GRM5: variants seen among roughly 807,000 people sequenced by gnomAD.
The protein encoded by GRM5 is metabotropic glutamate receptor 5.
GRM5 carries 19 observed loss-of-function variants against 83.1 expected under a neutral mutation model. That is an observed-to-expected ratio of 0.23 (90% confidence interval 0.16 to 0.34). GRM5 has a LOEUF of 0.34. Ranked by LOEUF, GRM5 falls within the 10% of genes least tolerant of loss-of-function variation. GRM5 has a pLI of 1.00. For missense variants in GRM5, 1,160 were observed against 1,588.3 expected (o/e 0.73, Z 4.58); for synonymous variants, 675 against 633.6 (o/e 1.07, Z -0.98).
chr11:88,999,623 C>G (rs1253436261), intron 2 of GRM5, among the ~76,000 whole-genome samples: 1 of 152,070 alleles, frequency 6.6e-6, no homozygotes, highest in Non-Finnish European at 1.5e-5. Context: ...AATAGGAACA[C>G]TTTTACACTG....
At chr11:89,014,809 C>T (rs1940807787) in intron 2 of GRM5, among the ~76,000 whole-genome samples, 1 of 152,150 alleles carries the variant, frequency 6.6e-6, no homozygotes, top group Non-Finnish European at 1.5e-5. Context: ...TATACCTACT[C>T]TGTACCCACA....
intron 1 of GRM5, among the ~76,000 whole-genome samples, chr11:89,061,596 C>T (rs1024363302): frequency 2.0e-5 from 3 of 152,100 alleles, no homozygotes; most frequent in Admixed American, 6.6e-5. Flanking sequence ...CAAGTATTCC[C>T]AAAGTCTGGA....
chr11:88,625,579 A>G (rs779821263), intron 4 of GRM5, among the ~76,000 whole-genome samples: 4 of 152,114 alleles, frequency 2.6e-5, no homozygotes, highest in Non-Finnish European at 5.9e-5. Context: ...TGAATAGGCC[A>G]TGCAACTTAC....
At chr11:88,670,926 A>G (rs965121376) in intron 3 of GRM5, among the ~76,000 whole-genome samples, 6 of 152,080 alleles carry the variant, frequency 3.9e-5, no homozygotes, top group Non-Finnish European at 8.8e-5. Flanking sequence ...CATACAATAT[A>G]ACCCAGCAAT....
At position 88,867,808 on chromosome 11, in the gene GRM5, C is replaced by A. The variant is rs1444697025; in HGVS notation, c.662-17653G>T. Among the ~76,000 whole-genome samples, 10 of 151,736 alleles carry A rather than the reference C, an allele frequency of 6.6e-5. No homozygotes were observed. In the Admixed American group the frequency reaches 6.6e-4, roughly 10 times the overall value. On this transcript the variant is annotated intron_variant, in intron 2 of 9. Coordinates refer to ENST00000305447, the MANE Select transcript of GRM5 (RefSeq NM_001143831.3). ...AGCCTATTGAGACCTTGTTCTTGGA[C>A]TTCCAGCCTCTAAACTATAAGGAAA...
intron 4 of GRM5, among the ~76,000 whole-genome samples, chr11:88,618,336 T>C (rs533756389): frequency 2.2e-4 from 34 of 152,348 alleles, no homozygotes; most frequent in African/African-American, 7.9e-4. Flanking sequence ...CCAGACACTT[T>C]TACTAATCTT....
chr11:88,531,408 G>A (rs1169549394), intron 8 of GRM5, among the ~76,000 whole-genome samples: 1 of 152,092 alleles, frequency 6.6e-6, no homozygotes, highest in Non-Finnish European at 1.5e-5. Flanking sequence ...ATGAAGCAAA[G>A]AGCAATATAT....
chr11:89,013,235 T>C (rs1396763210), intron 2 of GRM5, among the ~76,000 whole-genome samples: 1 of 152,340 alleles, frequency 6.6e-6, no homozygotes, highest in East Asian at 1.9e-4. Flanking sequence ...TTTTTCTGCA[T>C]TTGTCAATTA....
chr11:88,779,223 G>A (rs140684778), intron 3 of GRM5, among the ~76,000 whole-genome samples: 4 of 152,306 alleles, frequency 2.6e-5, no homozygotes, highest in South Asian at 4.1e-4. Flanking sequence ...ATTTGTGTAA[G>A]CTGCTACAGC....
At chr11:88,753,895 C>T (rs1286831338) in intron 3 of GRM5, among the ~76,000 whole-genome samples, 1 of 152,090 alleles carries the variant, frequency 6.6e-6, no homozygotes, top group Non-Finnish European at 1.5e-5. Flanking sequence ...AGAGCTTGAG[C>T]AGGGAAACTC....
At chr11:88,846,788 A>G (rs926598889) in intron 3 of GRM5, among the ~76,000 whole-genome samples, 1 of 152,214 alleles carries the variant, frequency 6.6e-6, no homozygotes, top group African/African-American at 2.4e-5. Flanking sequence ...CTGTAAACAA[A>G]ATAACACTAG....
Position 88,958,827 on chromosome 11 carries a change from A to G in GRM5, c.661+88385T>C, listed in dbSNP as rs544647609. ...TAAATAACCTATTACATGTTAACGC[A>G]AATATTTTTATTGAAAATTGTATAT... On this transcript the variant is annotated intron_variant, in intron 2 of 9. Coordinates refer to ENST00000305447, the MANE Select transcript of GRM5 (RefSeq NM_001143831.3). 3.3e-5 allele frequency among the ~76,000 whole-genome samples: 5 copies of G among 152,282 alleles called. No homozygotes were observed. The South Asian group carries it at 8.3e-4, about 25-fold the overall frequency.
chr11:88,724,216 G>A (rs549704446), intron 3 of GRM5, among the ~76,000 whole-genome samples: 2 of 152,190 alleles, frequency 1.3e-5, no homozygotes, highest in South Asian at 4.2e-4. Flanking sequence ...CTGCCACTGA[G>A]CCTAAGCACA....
At chr11:89,044,401 T>C (rs1260447803) in intron 2 of GRM5, among the ~76,000 whole-genome samples, 5 of 152,036 alleles carry the variant, frequency 3.3e-5, no homozygotes, top group Non-Finnish European at 7.4e-5. Context: ...AAGCCATAAA[T>C]CACAGGAAAT....
At chr11:89,015,527 T>C (rs1565336497) in intron 2 of GRM5, among the ~76,000 whole-genome samples, 1 of 152,192 alleles carries the variant, frequency 6.6e-6, no homozygotes, top group Non-Finnish European at 1.5e-5. Context: ...ACTTTTTTTC[T>C]GGATATTAGT....
rs117017974 is a variant in GRM5 at position 88,567,558 on chromosome 11, C to G, written c.2125G>C (p.Val709Leu). The change falls in exon 8 of 10, where the codon GTT becomes CTT. Residue 709 changes from valine (V) to leucine (L), a missense_variant. Val to Leu is a conservative substitution (Grantham distance 32). Coordinates refer to ENST00000305447, the MANE Select transcript of GRM5 (RefSeq NM_001143831.3). This position sits in a 1 kb window ranked among gnomAD's most constrained non-coding sequence, Gnocchi z 7.3. ...GGAGGCTCCATTATAAAGAGGGCAA[C>G]GATGATGCCCAACTGGATGCATATG... is the stretch of plus-strand genomic sequence containing the variant. ...ILICIQLGII[V>L]ALFIMEPPDI... 9 of 1,613,894 alleles carry G rather than the reference C, an allele frequency of 5.6e-6. No homozygotes were observed. Among genetic ancestry groups the G allele is most frequent in the Non-Finnish European group, 7.6e-6 (9 of 1,179,926 alleles).
chr11:88,664,849 T>C (rs912243227), intron 3 of GRM5, among the ~76,000 whole-genome samples: 3 of 152,154 alleles, frequency 2.0e-5, no homozygotes, highest in Admixed American at 6.6e-5. Flanking sequence ...TGAGCTATTA[T>C]AAAAGTGACT....
At chr11:89,011,832 A>G (rs1248953797) in intron 2 of GRM5, among the ~76,000 whole-genome samples, 6 of 152,158 alleles carry the variant, frequency 3.9e-5, no homozygotes, top group South Asian at 2.1e-4. Flanking sequence ...CTCTTAATCT[A>G]TCTACATTAT....
chr11:88,555,218 A>G (rs985557257), intron 8 of GRM5, among the ~76,000 whole-genome samples: 2 of 152,120 alleles, frequency 1.3e-5, no homozygotes, highest in Non-Finnish European at 2.9e-5. Context: ...ATTGTTCTCA[A>G]AGTGAATCTA....
Sources: gnomAD v4.1 joint callset for allele counts (sites outside exome capture counted in the v4.1 genomes callset) on GRCh38, gnomAD v4.1.1 for gene constraint, Gnocchi (gnomAD v3.1) non-coding constraint, MANE v1.5 for transcripts, NCBI Gene and HGNC (gene_info 2026-07-23, HGNC 2026-07-21) for gene names.